PLXND1: variants seen among roughly 807,000 people sequenced by gnomAD.
PLXND1 encodes the protein plexin-D1.
In PLXND1, 54 loss-of-function variants were observed where a neutral mutation model predicts 197.7. That is an observed-to-expected ratio of 0.27 (90% confidence interval 0.22 to 0.34). PLXND1 has a LOEUF of 0.34. Among genes scored for constraint, PLXND1 ranks in the 10% least tolerant of loss-of-function variants. The pLI is 1.00. For synonymous variants in PLXND1, 1,180 were observed against 1,161.2 expected, an observed-to-expected ratio of 1.02 and a Z score of -0.33; for missense variants, 2,127 against 2,699.2, an observed-to-expected ratio of 0.79 and a Z score of 4.70.
At chr3:129,561,115 G>C in intron 29 of PLXND1, 1 of 472,364 alleles carries the variant, frequency 2.1e-6, no homozygotes, top group Admixed American at 2.3e-5. Flanking sequence ...GGGAGGAGGG[G>C]CCCCAGGCAG....
At chr3:129,602,462 C>T (rs371268858) in intron 1 of PLXND1, among the ~76,000 whole-genome samples, 91 of 152,378 alleles carry the variant, frequency 6.0e-4, no homozygotes, top group Middle Eastern at 6.8e-3. Flanking sequence ...TCCCTCCACC[C>T]TCATTCTCCC....
chr3:129,571,515 C>T lies in PLXND1; in HGVS notation c.3330G>A (p.Glu1110=). The part of the protein sequence containing the change: ...VSMAVHHIGR[E]PTLCKVLNST... ...AGGCCCCCGAATGCCTCACCGTGGG[C>T]TCCCGGCCAATGTGGTGGACGGCCA... Residue 1110 remains glutamate, a synonymous_variant, in exon 17 of 36, where the codon GAG becomes GAA. Coordinates refer to ENST00000324093, the MANE Select transcript of PLXND1 (RefSeq NM_015103.3). The T allele has an allele frequency of 8.7e-6, 14 of 1,613,358 alleles. No homozygotes were observed. Among genetic ancestry groups the T allele is most frequent in the Non-Finnish European group, 1.2e-5 (14 of 1,179,750 alleles).
Position 129,589,400 on chromosome 3 carries a change from T to A in PLXND1, c.1439A>T (p.Asn480Ile). Residue 480 changes from asparagine (N) to isoleucine (I), a missense_variant, in exon 2 of 36, where the codon AAC becomes ATC. Asn to Ile is a moderately radical substitution (Grantham distance 149, BLOSUM62 -3). This residue lies in a region of PLXND1 where 1,095 missense variants were observed against 1,259.8 expected (regional missense o/e 0.87). Coordinates refer to ENST00000324093, the MANE Select transcript of PLXND1 (RefSeq NM_015103.3). Reference protein sequence around the residue: ...GLTSVAVASVNNYTAVFLGTV... With the variant: ...GLTSVAVASVINYTAVFLGTV... ...GCCCAGGAAGACCGCTGTGTAGTTG[T>A]TGACGCTGGCCACGGCCACGGAGGT... 2 of 1,597,900 alleles carry A rather than the reference T, an allele frequency of 1.3e-6. No individual in the cohort carries two copies. The highest frequency in any genetic ancestry group is 1.7e-6 in the Non-Finnish European group (2 of 1,171,224).
intron 28 of PLXND1, 24 bp downstream of exon 28, chr3:129,561,776 T>TGG: frequency 3.9e-6 from 2 of 516,378 alleles, no homozygotes; most frequent in Non-Finnish European, 2.7e-6. Context: ...GGTGGGGAAA[T>TGG]GGGGGCGGGG....
chr3:129,604,909 G>A (rs1057081531), intron 1 of PLXND1, among the ~76,000 whole-genome samples: 5 of 152,172 alleles, frequency 3.3e-5, no homozygotes, highest in African/African-American at 4.8e-5. Flanking sequence ...CATCACCAAC[G>A]TGCAATGGTA....
chr3:129,566,049 A>AG lies in PLXND1; in HGVS notation c.4192-33dup, dbSNP rs757229940. The AG allele has an allele frequency of 2.5e-6, 4 of 1,612,546 alleles. 1 individual carries two copies. In the South Asian group the frequency reaches 4.4e-5, roughly 18 times the overall value. ...AAGCAACTGGTGATGGGGTGTCCAG[A>AG]GGGGCCCAGTGTCCCTGCCTAGCCT... On this transcript the variant is annotated intron_variant, in intron 23 of 35. Transcript: ENST00000324093.
rs762468704 is a variant in PLXND1, at chr3:129,569,917, T to A, written c.3791A>T (p.Gln1264Leu). The change falls in exon 20 of 36, where the codon CAG (glutamine) becomes CTG (leucine). Residue 1264 changes from glutamine (Q) to leucine (L), a missense_variant. Physicochemically the swap from Gln to Leu is moderately radical, Grantham distance 113 (BLOSUM62 -2). Around this residue, in one of 6 missense-constraint regions of PLXND1, gnomAD observed 532 missense variants for 811.0 expected, o/e 0.66. Transcript: ENST00000324093. Reference protein sequence around the residue: ...GNFNQTIATLQLGGSETAIIV... With the variant: ...GNFNQTIATLLLGGSETAIIV... Reference sequence around the variant, plus strand: ...GATGGCCGTCTCGCTGCCCCCCAGCTGCAGTGTGGCGATGGTCTGGTTGAA... The same window carrying A: ...GATGGCCGTCTCGCTGCCCCCCAGCAGCAGTGTGGCGATGGTCTGGTTGAA... 10 of 1,613,336 alleles carry A rather than the reference T, an allele frequency of 6.2e-6. No individual in the cohort carries two copies. In the South Asian group the frequency reaches 9.9e-5, roughly 16 times the overall value.
chr3:129,561,081 A>G, intron 29 of PLXND1: 3 of 483,196 alleles, frequency 6.2e-6, no homozygotes, highest in Non-Finnish European at 1.2e-5. Flanking sequence ...AGCGGTGGAG[A>G]GAAACAGGAA....
chr3:129,586,275 G>T lies in PLXND1; in HGVS notation c.1621-3C>A. On this transcript the variant is annotated splice_polypyrimidine_tract_variant and splice_region_variant and intron_variant, in intron 3 of 35. Coordinates refer to ENST00000324093, the MANE Select transcript of PLXND1 (RefSeq NM_015103.3). ...GCGGCGACCTTCACCCTGGCCATCT[G>T]GGGGCAGAGGTGGGGGCCCAGCTCA... 1 of 1,564,736 alleles carries T rather than the reference G, an allele frequency of 6.4e-7. No homozygotes were observed. Among genetic ancestry groups the T allele is most frequent in the South Asian group, 1.1e-5 (1 of 87,034 alleles).
rs539311358 is a variant in PLXND1, at chr3:129,556,552, A to T, written c.5661+65T>A. 2.2e-6 allele frequency: 3 copies of T among 1,354,810 alleles called. No homozygotes were observed. In the East Asian group the frequency reaches 6.9e-5, roughly 31 times the overall value. The allele number at this position is 1,354,810 out of a possible 1,614,324, so 83.9% of individuals were successfully genotyped here. ...GTCCATTAGGGGCAAGCACCCTGAG[A>T]TGTGTGTCCTTGAGTAGGAAGCTCA... is the stretch of plus-strand genomic sequence containing the variant. On this transcript the variant is annotated intron_variant, in intron 35 of 35. Coordinates refer to ENST00000324093, the MANE Select transcript of PLXND1 (RefSeq NM_015103.3).
At position 129,586,041 on chromosome 3, in the gene PLXND1, G is replaced by A; in HGVS notation, c.1762C>T (p.His588Tyr). 2 of 1,613,994 alleles carry A rather than the reference G, an allele frequency of 1.2e-6. No individual in the cohort carries two copies. The highest frequency in any genetic ancestry group is 1.7e-6 in the Non-Finnish European group (2 of 1,180,002). ...QQDCTNSSQQ[H>Y]FWTSASEGPS... ...CCCTCGCTGGCACTGGTCCAGAAAT[G>A]CTGCTGGCTGGAATTGGTGCAGTCC... Residue 588 changes from histidine (H) to tyrosine (Y), a missense_variant, in exon 5 of 36, where the codon CAT (histidine) becomes TAT (tyrosine). Transcript: ENST00000324093.
intron 11 of PLXND1, among the ~76,000 whole-genome samples, chr3:129,575,163 G>A (rs552678854): frequency 6.6e-6 from 1 of 152,338 alleles, no homozygotes; most frequent in East Asian, 1.9e-4. Context: ...CACCCCAGAT[G>A]CCACGCTCAA....
At position 129,572,643 on chromosome 3, in the gene PLXND1, G is replaced by C. The variant is rs1346777184; in HGVS notation, c.3043C>G (p.Leu1015Val). The C allele has an allele frequency of 1.4e-5, 22 of 1,596,982 alleles. No homozygotes were observed. Among genetic ancestry groups the C allele is most frequent in the Non-Finnish European group, 1.9e-5 (22 of 1,171,514 alleles). ...DLHVGSELQV[L>V]VNDTDPCTEL... ...GTGCAGGGGTCTGTGTCGTTCACCA[G>C]GACCTGGAGCTCGGAGCCTACATGG... The change falls in exon 15 of 36, where the codon CTG (leucine) becomes GTG (valine). Residue 1015 changes from leucine (L) to valine (V), a missense_variant. Physicochemically the swap from Leu to Val is conservative, Grantham distance 32 (BLOSUM62 1). Transcript: ENST00000324093.
At chr3:129,559,435 A>T in intron 32 of PLXND1, 185 bp downstream of exon 32, 1 of 555,054 alleles carries the variant, frequency 1.8e-6, no homozygotes, top group Non-Finnish European at 3.2e-6. Flanking sequence ...CATGGGTCGC[A>T]TTTTACAGTG....
At chr3:129,562,706 A>T in intron 27 of PLXND1, 81 bp downstream of exon 27, 1 of 1,333,788 alleles carries the variant, frequency 7.5e-7, no homozygotes, top group Non-Finnish European at 1.0e-6. Flanking sequence ...ATGCCAGGTG[A>T]AAGGAGTGTT....
intron 25 of PLXND1, among the ~76,000 whole-genome samples, chr3:129,564,752 T>C (rs2085113021): frequency 6.6e-6 from 1 of 152,250 alleles, no homozygotes; most frequent in South Asian, 2.1e-4. Flanking sequence ...TTGGCCTTCC[T>C]TCTATTCCTT....
chr3:129,585,580 C>A (rs1213141069), intron 5 of PLXND1, among the ~76,000 whole-genome samples: 6 of 152,242 alleles, frequency 3.9e-5, no homozygotes, highest in African/African-American at 1.4e-4. Context: ...CCAACTTGTA[C>A]CCTCCCTCCT....
intron 8 of PLXND1, among the ~76,000 whole-genome samples, chr3:129,581,872 A>C (rs763512497): frequency 6.6e-6 from 1 of 152,214 alleles, no homozygotes; most frequent in Non-Finnish European, 1.5e-5. Context: ...AGCGCACAAG[A>C]AGCAGGCTGC....
chr3:129,591,995 C>G (rs114038685), intron 1 of PLXND1, among the ~76,000 whole-genome samples: 1 of 152,356 alleles, frequency 6.6e-6, no homozygotes, highest in African/African-American at 2.4e-5. Context: ...CTTGCCCTTG[C>G]TCCTTCACCC....
Sources: allele counts gnomAD v4.1 joint callset (sites outside exome capture counted in the v4.1 genomes callset), GRCh38; gene constraint gnomAD v4.1.1; regional missense constraint gnomAD v4.1.1; transcripts MANE v1.5; gene names NCBI Gene and HGNC (gene_info 2026-07-23, HGNC 2026-07-21).